Variants in RGS6 observed in about 807,000 individuals in gnomAD.
RGS6 encodes the protein regulator of G protein signaling 6.
Under a neutral mutation model 78.5 loss-of-function variants are expected in RGS6, and 30 were observed. The ratio of observed to expected loss-of-function variants is 0.38; its 90% CI spans 0.29 to 0.52. The LOEUF is 0.52. RGS6 is among the 20% of genes least tolerant of loss of function. The pLI is 0.85. For synonymous variants in RGS6, 206 were observed against 206.0 expected, an observed-to-expected ratio of 1.00 and a Z score of 0.00; for missense variants, 495 against 609.7, an observed-to-expected ratio of 0.81 and a Z score of 1.98.
At chr14:72,097,619 A>G (rs2095436004) in intron 2 of RGS6, among the ~76,000 whole-genome samples, 1 of 152,142 alleles carries the variant, frequency 6.6e-6, no homozygotes, top group Admixed American at 6.5e-5. Context: ...GTAAACTACT[A>G]GTTTTCACCA....
intron 2 of RGS6, among the ~76,000 whole-genome samples, chr14:72,350,231 G>A (rs916409919): frequency 6.6e-6 from 1 of 152,174 alleles, no homozygotes; most frequent in Non-Finnish European, 1.5e-5. Context: ...ACTTCTTAGA[G>A]AAACCCAGAA....
At chr14:72,176,663 G>A (rs2050650099) in intron 2 of RGS6, among the ~76,000 whole-genome samples, 1 of 152,092 alleles carries the variant, frequency 6.6e-6, no homozygotes, top group Admixed American at 6.5e-5. Flanking sequence ...TTAGGTCCGT[G>A]AACAGTGATG....
In RGS6 at chr14:72,373,820, CT is replaced by C. The variant is rs551356805; in HGVS notation, c.184+21635del. The stretch of plus-strand genomic sequence containing the variant: ...AAATTCAAGCAAAAATTTAAATTGT[CT>C]TTTTTTTTCCCCCACTCAGTAAAGA... On this transcript the variant is annotated intron_variant, in intron 3 of 17. Coordinates refer to ENST00000553525, the MANE Select transcript of RGS6 (RefSeq NM_001204424.2). Among the ~76,000 whole-genome samples, 141 of 151,098 alleles carry C rather than the reference CT, an allele frequency of 9.3e-4. 1 individual carries two copies. The South Asian group carries it at 9.5e-3, about 10-fold the overall frequency.
downstream of RGS6, chr14:72,566,601 C>T (rs2153560026): frequency 1.3e-5 from 2 of 151,178 alleles, 1 homozygote; most frequent in African/African-American, 4.9e-5. Context: ...ATCGACCACC[C>T]CTCCCCACAC....
At chr14:72,408,389 A>G (rs192829417) in intron 3 of RGS6, among the ~76,000 whole-genome samples, 5 of 152,326 alleles carry the variant, frequency 3.3e-5, no homozygotes, top group Admixed American at 6.5e-5. Flanking sequence ...CTAGATGATC[A>G]CCTTATAACT....
At chr14:72,368,824 A>G (rs137869070) in intron 3 of RGS6, among the ~76,000 whole-genome samples, 219 of 152,336 alleles carry the variant, frequency 1.4e-3, no homozygotes, top group African/African-American at 4.9e-3. Context: ...GGGCTGAATA[A>G]TGGCCCCCCA....
chr14:72,607,213 C>T, the RGS6 span, among the ~76,000 whole-genome samples: 107 of 152,314 alleles, frequency 7.0e-4, no homozygotes, highest in Middle Eastern at 3.4e-3. Context: ...AAAATGTCTT[C>T]GTCTGTTTGG....
intron 3 of RGS6, among the ~76,000 whole-genome samples, chr14:72,391,052 C>T (rs1030775337): frequency 2.6e-4 from 39 of 152,102 alleles, no homozygotes; most frequent in African/African-American, 8.9e-4. Flanking sequence ...CTCAAATATA[C>T]TTAGGCAAAT....
chr14:72,544,280 C>T (rs968859900), intron 17 of RGS6, among the ~76,000 whole-genome samples: 11 of 152,340 alleles, frequency 7.2e-5, no homozygotes, highest in Admixed American at 4.6e-4. Flanking sequence ...CTTTGCTCCT[C>T]TGTCCAGTTC....
chr14:71,997,072 C>T (rs1270180864), intron 2 of RGS6, among the ~76,000 whole-genome samples: 1 of 146,696 alleles, frequency 6.8e-6, no homozygotes, highest in Non-Finnish European at 1.5e-5. Context: ...GCTATTGCAG[C>T]AATCTTGAGA....
chr14:72,222,170 TGA>T (rs2047025698), intron 2 of RGS6, among the ~76,000 whole-genome samples: 1 of 152,232 alleles, frequency 6.6e-6, no homozygotes, highest in Non-Finnish European at 1.5e-5. Flanking sequence ...CATCTCTGTC[TGA>T]GCTTAGTTAA....
chr14:72,026,254 A>T (rs1293264211), intron 2 of RGS6, among the ~76,000 whole-genome samples: 1 of 152,114 alleles, frequency 6.6e-6, no homozygotes, highest in Non-Finnish European at 1.5e-5. Context: ...TAAAAATATG[A>T]AAATTAGCCG....
chr14:72,540,282 CA>C (rs2097306955), intron 17 of RGS6, 188 bp downstream of exon 17: 1 of 1,486,832 alleles, frequency 6.7e-7, no homozygotes. Context: ...GATGAAAATG[CA>C]AAAAAGAGCA....
At chr14:72,096,765 C>T (rs769150458) in intron 2 of RGS6, among the ~76,000 whole-genome samples, 13 of 152,204 alleles carry the variant, frequency 8.5e-5, no homozygotes, top group South Asian at 2.1e-4. Context: ...TTAACCTGAG[C>T]TTGCAAGTCA....
the RGS6 span, among the ~76,000 whole-genome samples, chr14:72,604,185 A>G: frequency 6.6e-6 from 1 of 152,166 alleles, no homozygotes; most frequent in Admixed American, 6.5e-5. Flanking sequence ...ACTAGGCTCC[A>G]TGGAAGAGTT....
At chr14:72,224,369 A>G (rs1425196237) in intron 2 of RGS6, among the ~76,000 whole-genome samples, 2 of 152,070 alleles carry the variant, frequency 1.3e-5, no homozygotes, top group African/African-American at 4.8e-5. Context: ...CGTGGGCAAG[A>G]TGGTGCTGTT....
intron 2 of RGS6, among the ~76,000 whole-genome samples, chr14:72,308,056 A>C (rs962939570): frequency 4.6e-5 from 7 of 152,196 alleles, no homozygotes; most frequent in Non-Finnish European, 7.4e-5. Flanking sequence ...CCAGCCATCT[A>C]ATTAAATGTT....
In RGS6 at chr14:72,451,062, CCT is replaced by C. The variant is rs542410737; in HGVS notation, c.185-3465_185-3464del. Reference sequence around the variant, plus strand: ...ATGCCTGTGAGAGTGAGCACGTCCCCCTGTCTCTAGGTGTTGTTGCTTGTGCT... The same window carrying C: ...ATGCCTGTGAGAGTGAGCACGTCCCCGTCTCTAGGTGTTGTTGCTTGTGCT... On this transcript the variant is annotated intron_variant, in intron 3 of 17. Transcript: ENST00000553525. Among the ~76,000 whole-genome samples the C allele has an allele frequency of 3.7e-3, 561 of 152,284 alleles. 3 individuals are homozygous for C. Among genetic ancestry groups the C allele is most frequent in the Non-Finnish European group, 5.1e-3 (347 of 68,032 alleles).
chr14:72,140,861 G>T (rs967653187), intron 2 of RGS6, among the ~76,000 whole-genome samples: 24 of 152,242 alleles, frequency 1.6e-4, no homozygotes, highest in African/African-American at 5.8e-4. Flanking sequence ...TCCTTGCAAT[G>T]GGCTGCTGGT....
Sources: allele counts gnomAD v4.1 joint callset (sites outside exome capture counted in the v4.1 genomes callset), GRCh38; gene constraint gnomAD v4.1.1; transcripts MANE v1.5; gene names NCBI Gene and HGNC (gene_info 2026-07-23, HGNC 2026-07-21).